The following HDAC9 variants were observed in gnomAD, a reference collection of about 807,000 sequenced individuals.
HDAC9 encodes histone deacetylase 9.
In HDAC9, 41 loss-of-function variants were observed where a neutral mutation model predicts 139.4. That is an observed-to-expected ratio of 0.29 (90% CI 0.23 to 0.38). The LOEUF (loss-of-function observed/expected upper bound fraction) is 0.38. Ranked by LOEUF, HDAC9 falls within the 10% of genes least tolerant of loss-of-function variation. HDAC9 has a pLI of 1.00. For missense variants in HDAC9, 1,147 were observed against 1,297.0 expected (o/e 0.88, Z 1.78); for synonymous variants, 517 against 476.2 (o/e 1.09, Z -1.12).
intron 24 of HDAC9, among the ~76,000 whole-genome samples, chr7:18,966,469 G>A (rs1015985164): frequency 4.6e-5 from 7 of 152,108 alleles, no homozygotes; most frequent in South Asian, 4.1e-4. Context: ...TTGTGAGGCC[G>A]TGGCAGGCAG....
chr7:18,833,035 C>T (rs138425910), intron 19 of HDAC9, among the ~76,000 whole-genome samples: 1 of 152,126 alleles, frequency 6.6e-6, no homozygotes, highest in East Asian at 1.9e-4. Context: ...CATGCCCAGC[C>T]TTAAAAAAAA....
chr7:18,380,671 G>C (rs1326541120), intron 1 of HDAC9, among the ~76,000 whole-genome samples: 1 of 152,160 alleles, frequency 6.6e-6, no homozygotes, highest in African/African-American at 2.4e-5. Flanking sequence ...TGCAAAATTG[G>C]AATCCATTTA....
intron 2 of HDAC9, among the ~76,000 whole-genome samples, chr7:18,507,875 A>G (rs912076443): frequency 2.6e-5 from 4 of 152,254 alleles, no homozygotes; most frequent in African/African-American, 9.6e-5. Flanking sequence ...AAAGAAGTCA[A>G]GATGGAAATA....
chr7:18,397,195 C>T (rs1053763515), intron 1 of HDAC9, among the ~76,000 whole-genome samples: 1 of 152,002 alleles, frequency 6.6e-6, no homozygotes, highest in African/African-American at 2.4e-5. Context: ...CGAGAGAATA[C>T]GGGGGCAGAA....
At chr7:18,953,893 G>C (rs1221092181) in intron 23 of HDAC9, among the ~76,000 whole-genome samples, 1 of 152,080 alleles carries the variant, frequency 6.6e-6, no homozygotes, top group South Asian at 2.1e-4. Context: ...ATAATGCACA[G>C]ACATGCACCT....
rs147079733 is a variant in HDAC9 at position 18,612,742 on chromosome 7, A to C, written c.665-16608A>C. On this transcript the variant is annotated intron_variant, in intron 6 of 25. Transcript: ENST00000686413. The stretch of plus-strand genomic sequence containing the variant: ...TGAGTAAATCCTAGAGATGAGTGAC[A>C]TGAGACCACAGGAAAATATTTAGTC... 4.8e-3 allele frequency among the ~76,000 whole-genome samples: 728 copies of C among 152,262 alleles called. 3 individuals are homozygous for C. The highest frequency in any genetic ancestry group is 0.017 in the African/African-American group (695 of 41,578).
chr7:18,167,447 T>C (rs974750768), intron 2 of HDAC9, among the ~76,000 whole-genome samples: 1 of 152,230 alleles, frequency 6.6e-6, no homozygotes, highest in Non-Finnish European at 1.5e-5. Context: ...TTTTGGTGGG[T>C]AATTCAACTT....
rs1786452565 is a variant in HDAC9, at chr7:18,996,178, T to A, written c.*116T>A. ...TGGGTGGCACAGATTCAATGGAACA[T>A]AAACACTGGGCACAAAATTCTGAAC... On this transcript the variant is annotated 3_prime_UTR_variant, in exon 26 of 26. Coordinates refer to ENST00000686413, the MANE Select transcript of HDAC9 (RefSeq NM_178425.4). The A allele has an allele frequency of 1.4e-6, 1 of 692,182 alleles. No homozygotes were observed. The highest frequency in any genetic ancestry group is 2.4e-6 in the Non-Finnish European group (1 of 409,068). 42.9% of individuals were successfully genotyped at this position (692,182 alleles called of 1,614,324 possible).
At chr7:18,884,982 T>C (rs1183267297) in intron 22 of HDAC9, among the ~76,000 whole-genome samples, 3 of 152,238 alleles carry the variant, frequency 2.0e-5, no homozygotes, top group Non-Finnish European at 2.9e-5. Flanking sequence ...TCTTCAAGTT[T>C]AATCCAAACT....
chr7:18,455,731 TC>T (rs1041821221), intron 1 of HDAC9, among the ~76,000 whole-genome samples: 2 of 152,180 alleles, frequency 1.3e-5, no homozygotes, highest in Non-Finnish European at 2.9e-5. Flanking sequence ...AAATTATGTT[TC>T]TAAATTTAGA....
chr7:18,696,474 C>CT (rs886105200), intron 12 of HDAC9, among the ~76,000 whole-genome samples: 539 of 139,954 alleles, frequency 3.9e-3, no homozygotes, highest in African/African-American at 7.1e-3. Flanking sequence ...TCTTTTTTTG[C>CT]TTTTTTTTTT....
At chr7:18,907,910 G>A (rs1004943695) in intron 22 of HDAC9, among the ~76,000 whole-genome samples, 2 of 152,018 alleles carry the variant, frequency 1.3e-5, no homozygotes, top group Non-Finnish European at 2.9e-5. Context: ...TCATCATAAT[G>A]TATTTTATTC....
At chr7:18,885,321 A>C (rs1800058385) in intron 22 of HDAC9, among the ~76,000 whole-genome samples, 1 of 152,224 alleles carries the variant, frequency 6.6e-6, no homozygotes, top group Admixed American at 6.5e-5. Context: ...TGATGATAGA[A>C]TTATAATACC....
chr7:18,988,256 T>C (rs976980868), intron 25 of HDAC9, among the ~76,000 whole-genome samples: 3 of 152,210 alleles, frequency 2.0e-5, no homozygotes, highest in African/African-American at 7.2e-5. Flanking sequence ...GATTCGGGTA[T>C]GTTGTGTCTT....
At chr7:18,905,929 CTT>C (rs1802205894) in intron 22 of HDAC9, among the ~76,000 whole-genome samples, 1 of 147,578 alleles carries the variant, frequency 6.8e-6, no homozygotes, top group Admixed American at 6.8e-5. Context: ...TCTCATCTTT[CTT>C]TTCTTTCTCC....
In HDAC9 at chr7:18,648,572, C is replaced by G; in HGVS notation, c.1356C>G (p.Thr452=). Residue 452 remains threonine (T), a synonymous_variant, in exon 11 of 26, where the codon ACC becomes ACG. Transcript: ENST00000686413. ...KLPRHRPLNR[T]QSAPLPQSTL... ...CCCGTCACAGACCCCTGAACCGAAC[C>G]CAGTCTGCACCTTTGCCTCAGAGCA... The G allele has an allele frequency of 6.2e-7, 1 of 1,613,644 alleles. No homozygotes were observed. Among genetic ancestry groups the G allele is most frequent in the Non-Finnish European group, 8.5e-7 (1 of 1,179,740 alleles).
rs187004374 is a variant in HDAC9, at chr7:18,711,479, C to T, written c.1732-16101C>T. Among the ~76,000 whole-genome samples, 172 of 152,296 alleles carry T rather than the reference C, an allele frequency of 1.1e-3. 1 individual carries two copies. The highest frequency in any genetic ancestry group is 3.9e-3 in the African/African-American group (163 of 41,562). ...CCTCCTGCTGTCACAATAGTCCTAA[C>T]ACCATAATCAGTGTCTCTCAGGTAC... On this transcript the variant is annotated intron_variant, in intron 12 of 25. Transcript: ENST00000686413.
intron 2 of HDAC9, among the ~76,000 whole-genome samples, chr7:18,207,533 A>T (rs1791613359): frequency 1.2e-4 from 1 of 8,622 alleles, no homozygotes; most frequent in Non-Finnish European, 2.7e-4. Context: ...CATCTGCCCA[A>T]GGAGTCTTTT....
At chr7:18,175,684 A>G (rs994827326) in intron 2 of HDAC9, among the ~76,000 whole-genome samples, 2 of 151,874 alleles carry the variant, frequency 1.3e-5, no homozygotes, top group African/African-American at 4.8e-5. Flanking sequence ...ACTCATGACC[A>G]TATTATTGGT....
Sources: allele counts gnomAD v4.1 joint callset (sites outside exome capture counted in the v4.1 genomes callset), GRCh38; gene constraint gnomAD v4.1.1; transcripts MANE v1.5; gene names NCBI Gene and HGNC (gene_info 2026-07-23, HGNC 2026-07-21).